The following TTLL5 variants were observed in gnomAD, a reference collection of about 807,000 sequenced individuals.
The protein encoded by TTLL5 is tubulin polyglutamylase TTLL5.
In TTLL5, 132 loss-of-function variants were observed where a neutral mutation model predicts 168.4. The observed-to-expected ratio is 0.78, with a 90% confidence interval of 0.68 to 0.91. The LOEUF is 0.91. Ranked by LOEUF, TTLL5 falls within the 40% of genes least tolerant of loss-of-function variation. The pLI is 0.00. For synonymous variants in TTLL5, 546 were observed against 558.6 expected, an observed-to-expected ratio of 0.98 and a Z score of 0.32; for missense variants, 1,545 against 1,581.5, an observed-to-expected ratio of 0.98 and a Z score of 0.39.
intron 17 of TTLL5, among the ~76,000 whole-genome samples, chr14:75,746,889 A>G (rs1889650276): frequency 6.6e-6 from 1 of 152,068 alleles, no homozygotes; most frequent in African/African-American, 2.4e-5. Context: ...CAGTTTGATT[A>G]TGATGTGCCT....
intron 28 of TTLL5, among the ~76,000 whole-genome samples, chr14:75,858,386 A>C (rs900722531): frequency 2.6e-5 from 4 of 152,216 alleles, no homozygotes; most frequent in Non-Finnish European, 5.9e-5. Context: ...CTTCATAAGC[A>C]GTAATATTTT....
At chr14:75,745,287 T>C (rs1343099972) in intron 16 of TTLL5, 79 bp downstream of exon 16, 5 of 1,376,472 alleles carry the variant, frequency 3.6e-6, no homozygotes, top group African/African-American at 1.4e-5. Context: ...ATAATATTCA[T>C]GACAAACTCA....
intron 30 of TTLL5, among the ~76,000 whole-genome samples, chr14:75,884,893 A>C (rs1399741183): frequency 6.6e-6 from 1 of 151,678 alleles, no homozygotes; most frequent in Non-Finnish European, 1.5e-5. Context: ...CAACTGGGCC[A>C]AGTGTGGTGG....
intron 29 of TTLL5, among the ~76,000 whole-genome samples, chr14:75,871,029 T>C (rs1185777620): frequency 2.0e-5 from 3 of 151,794 alleles, no homozygotes; most frequent in South Asian, 2.1e-4. Context: ...CTCCTGACCT[T>C]GTGATCTGCC....
intron 29 of TTLL5, among the ~76,000 whole-genome samples, chr14:75,866,787 A>T (rs1040151265): frequency 6.6e-5 from 10 of 152,316 alleles, no homozygotes; most frequent in Non-Finnish European, 1.3e-4. Context: ...TCAGTATAGC[A>T]TTGCACTCAT....
chr14:75,830,882 C>T (rs1378076959), intron 28 of TTLL5, among the ~76,000 whole-genome samples: 1 of 152,200 alleles, frequency 6.6e-6, no homozygotes, highest in Non-Finnish European at 1.5e-5. Context: ...CCTGATGTCC[C>T]AAGCAGATCT....
intron 31 of TTLL5, among the ~76,000 whole-genome samples, chr14:75,944,836 GA>G (rs1489081328): frequency 6.6e-6 from 1 of 152,192 alleles, no homozygotes; most frequent in Admixed American, 6.5e-5. Context: ...GGAGTTGGGG[GA>G]GTGGGCTTGA....
intron 10 of TTLL5, 32 bp downstream of exon 10, chr14:75,717,994 G>A: frequency 6.3e-7 from 1 of 1,599,572 alleles, no homozygotes; most frequent in Non-Finnish European, 8.6e-7. Flanking sequence ...GAAGTCAGAG[G>A]TGTCAGTCTC....
intron 22 of TTLL5, 30 bp from the exon 23 acceptor site, chr14:75,776,717 G>T: frequency 6.4e-7 from 1 of 1,563,000 alleles, no homozygotes; most frequent in South Asian, 1.1e-5. Flanking sequence ...TTATCTTGTT[G>T]TTTTTCTGTG....
At chr14:75,858,036 A>T (rs1897222761) in intron 28 of TTLL5, among the ~76,000 whole-genome samples, 1 of 152,178 alleles carries the variant, frequency 6.6e-6, no homozygotes, top group African/African-American at 2.4e-5. Context: ...TTGATTACAA[A>T]TTAAATTTTT....
chr14:75,821,793 G>A (rs1894846552), intron 28 of TTLL5, among the ~76,000 whole-genome samples: 1 of 152,118 alleles, frequency 6.6e-6, no homozygotes, highest in African/African-American at 2.4e-5. Context: ...AATGCTCATG[G>A]TGCATTACAC....
chr14:75,827,707 CTTTTTT>C (rs561078439), intron 28 of TTLL5, among the ~76,000 whole-genome samples: 8 of 53,206 alleles, frequency 1.5e-4, no homozygotes, highest in South Asian at 2.8e-3. Context: ...TGGCTTGGTT[CTTTTTT>C]TTTTTTTTTT....
intron 27 of TTLL5, among the ~76,000 whole-genome samples, chr14:75,816,986 T>TA (rs979382959): frequency 2.8e-5 from 4 of 145,172 alleles, no homozygotes; most frequent in African/African-American, 5.1e-5. Flanking sequence ...TTTTTTTTTT[T>TA]TTTTTTTTTT....
intron 7 of TTLL5, 91 bp from the exon 8 acceptor site, chr14:75,706,927 A>G (rs59602759): frequency 1.8e-6 from 2 of 1,141,118 alleles, no homozygotes; most frequent in Non-Finnish European, 2.6e-6. Context: ...CCACCTTACC[A>G]TTTCTTTAAA....
intron 15 of TTLL5, among the ~76,000 whole-genome samples, chr14:75,736,404 G>A (rs549401908): frequency 6.6e-6 from 1 of 152,146 alleles, no homozygotes; most frequent in Admixed American, 6.5e-5. Context: ...TTTTTTATTA[G>A]AACAGGGTTT....
chr14:75,796,378 C>CGA (rs763047494), intron 27 of TTLL5, among the ~76,000 whole-genome samples: 84 of 152,102 alleles, frequency 5.5e-4, no homozygotes, highest in Non-Finnish European at 2.1e-4. Context: ...TGTGGGTTGT[C>CGA]TGTTTCCTTG....
intron 18 of TTLL5, among the ~76,000 whole-genome samples, chr14:75,754,659 T>TTAAA (rs1890138605): frequency 6.6e-6 from 1 of 152,274 alleles, no homozygotes; most frequent in African/African-American, 2.4e-5. Flanking sequence ...TGTTAACATA[T>TTAAA]TAAATAGTAA....
At chr14:75,864,979 C>A (rs1204059888) in intron 29 of TTLL5, among the ~76,000 whole-genome samples, 1 of 152,144 alleles carries the variant, frequency 6.6e-6, no homozygotes. Context: ...ATCAATTGAT[C>A]ATCTTTACCT....
chr14:75,697,951 A>G (rs576238166), intron 6 of TTLL5, among the ~76,000 whole-genome samples: 3 of 152,128 alleles, frequency 2.0e-5, no homozygotes, highest in Non-Finnish European at 2.9e-5. Flanking sequence ...TGCTTGATTT[A>G]TTTCCCCACA....
Sources: allele counts gnomAD v4.1 joint callset (sites outside exome capture counted in the v4.1 genomes callset), GRCh38; gene constraint gnomAD v4.1.1; transcripts MANE v1.5; gene names NCBI Gene and HGNC (gene_info 2026-07-23, HGNC 2026-07-21).